The following CNTN4 variants were observed in gnomAD, a reference collection of about 807,000 sequenced individuals.
CNTN4 encodes contactin-4.
A neutral mutation model predicts 122.5 loss-of-function variants in CNTN4; 77 were observed. The observed-to-expected ratio is 0.63, with a 90% CI of 0.52 to 0.76. CNTN4 has a LOEUF of 0.76. Ranked by LOEUF, CNTN4 falls within the 30% of genes least tolerant of loss-of-function variation. CNTN4 has a pLI of 0.00. For missense variants in CNTN4, 1,256 were observed against 1,259.1 expected, an observed-to-expected ratio of 1.00 and a Z score of 0.04; for synonymous variants, 512 against 447.0, an observed-to-expected ratio of 1.15 and a Z score of -1.83.
At chr3:2,479,565 C>A (rs376607472) in intron 3 of CNTN4, among the ~76,000 whole-genome samples, 5 of 152,128 alleles carry the variant, frequency 3.3e-5, no homozygotes, top group Admixed American at 3.3e-4. Context: ...ATGAAACTTA[C>A]GCGATGCCCG....
At chr3:2,565,689 C>G (rs1012933627) in intron 3 of CNTN4, among the ~76,000 whole-genome samples, 5 of 152,160 alleles carry the variant, frequency 3.3e-5, no homozygotes, top group African/African-American at 1.2e-4. Flanking sequence ...TATCTATTGA[C>G]TGATTGAACA....
rs545461632 is a variant in CNTN4 at position 2,887,523 on chromosome 3, C to T, written c.940+299C>T. Among the ~76,000 whole-genome samples the T allele has an allele frequency of 9.9e-5, 15 of 152,070 alleles. 1 individual carries two copies. In the South Asian group the frequency reaches 2.7e-3, roughly 27 times the overall value. On this transcript the variant is annotated intron_variant, in intron 10 of 24. Coordinates refer to ENST00000418658, the MANE Select transcript of CNTN4 (RefSeq NM_175607.3). ...TTTCCTCTTTGCATCAAGCTGTAAA[C>T]CTGACACAGGAAACGTTTTATTATT... is the stretch of plus-strand genomic sequence containing the variant.
At chr3:2,941,933 G>A (rs565497047) in intron 13 of CNTN4, among the ~76,000 whole-genome samples, 5 of 152,166 alleles carry the variant, frequency 3.3e-5, no homozygotes, top group East Asian at 1.9e-4. Flanking sequence ...CGTGTATACC[G>A]CACTTCTCAC....
chr3:2,323,371 T>G (rs1240420219), intron 2 of CNTN4, among the ~76,000 whole-genome samples: 1 of 152,150 alleles, frequency 6.6e-6, no homozygotes, highest in Non-Finnish European at 1.5e-5. Context: ...TGCCATGGTC[T>G]CATGGAGATT....
chr3:2,628,795 C>G (rs1037035421), intron 4 of CNTN4, among the ~76,000 whole-genome samples: 2 of 152,046 alleles, frequency 1.3e-5, no homozygotes, highest in Non-Finnish European at 2.9e-5. Flanking sequence ...CTGGACGTAA[C>G]CAAAAAAGTG....
intron 6 of CNTN4, among the ~76,000 whole-genome samples, chr3:2,756,102 A>T (rs182307710): frequency 1.8e-4 from 28 of 152,278 alleles, no homozygotes; most frequent in Admixed American, 1.2e-3. Context: ...TTCTTCAAGA[A>T]TTTTCATTTG....
chr3:2,296,498 A>T (rs534336356), intron 2 of CNTN4, among the ~76,000 whole-genome samples: 3 of 152,116 alleles, frequency 2.0e-5, no homozygotes, highest in African/African-American at 7.2e-5. Context: ...AAAAAAGAGG[A>T]TGTCACTGTA....
chr3:2,485,857 T>G (rs1011861360), intron 3 of CNTN4, among the ~76,000 whole-genome samples: 4 of 152,112 alleles, frequency 2.6e-5, no homozygotes, highest in Non-Finnish European at 4.4e-5. Flanking sequence ...AACGGATCGA[T>G]CAGCTCTCTG....
intron 6 of CNTN4, among the ~76,000 whole-genome samples, chr3:2,788,231 G>C (rs2091902315): frequency 6.6e-6 from 1 of 152,212 alleles, no homozygotes; most frequent in African/African-American, 2.4e-5. Flanking sequence ...TTTGGGAAGA[G>C]AGAAGTAATT....
chr3:2,527,660 T>TC (rs1188047325), intron 3 of CNTN4, among the ~76,000 whole-genome samples: 1 of 152,204 alleles, frequency 6.6e-6, no homozygotes, highest in East Asian at 1.9e-4. Flanking sequence ...ATAGCTTATG[T>TC]CCCATCCCCT....
intron 7 of CNTN4, among the ~76,000 whole-genome samples, chr3:2,851,527 G>A (rs2093550341): frequency 6.6e-6 from 1 of 152,192 alleles, no homozygotes; most frequent in South Asian, 2.1e-4. Flanking sequence ...CAGTTAGGAA[G>A]GACTCTGTAG....
At chr3:2,753,706 C>T (rs887481648) in intron 6 of CNTN4, among the ~76,000 whole-genome samples, 87 of 152,276 alleles carry the variant, frequency 5.7e-4, no homozygotes, top group African/African-American at 2.1e-3. Flanking sequence ...TGAAATGTTT[C>T]CTTTGTACAC....
At chr3:2,625,969 A>C (rs979772836) in intron 4 of CNTN4, among the ~76,000 whole-genome samples, 11 of 152,214 alleles carry the variant, frequency 7.2e-5, no homozygotes, top group African/African-American at 2.7e-4. Flanking sequence ...TGACAGTGTC[A>C]GACTTTTGCC....
At chr3:2,506,703 G>C (rs1451626710) in intron 3 of CNTN4, among the ~76,000 whole-genome samples, 1 of 152,124 alleles carries the variant, frequency 6.6e-6, no homozygotes, top group Admixed American at 6.6e-5. Context: ...GCAAAATGTT[G>C]CCCATCTATT....
At chr3:2,713,160 G>A (rs2087256063) in intron 4 of CNTN4, among the ~76,000 whole-genome samples, 1 of 152,088 alleles carries the variant, frequency 6.6e-6, no homozygotes, top group East Asian at 1.9e-4. Flanking sequence ...CAGTTTTGGG[G>A]ACTGAGTCTT....
intron 6 of CNTN4, among the ~76,000 whole-genome samples, chr3:2,781,941 T>C (rs998954791): frequency 2.0e-5 from 3 of 148,026 alleles, no homozygotes; most frequent in African/African-American, 5.0e-5. Flanking sequence ...GCCAGGATGG[T>C]CTCGATCTCC....
intron 14 of CNTN4, among the ~76,000 whole-genome samples, chr3:2,994,200 G>T (rs999169683): frequency 6.6e-6 from 1 of 151,436 alleles, no homozygotes; most frequent in Admixed American, 6.6e-5. Flanking sequence ...ATAATTCTCA[G>T]ACTGCATGTT....
intron 3 of CNTN4, among the ~76,000 whole-genome samples, chr3:2,430,388 C>CTCCA (rs2048020884): frequency 6.8e-6 from 1 of 148,116 alleles, no homozygotes; most frequent in Non-Finnish European, 1.5e-5. Flanking sequence ...GGCCACTGCA[C>CTCCA]TCCAGCCTGG....
intron 2 of CNTN4, among the ~76,000 whole-genome samples, chr3:2,122,117 T>C (rs113309388): frequency 0.31 from 46,732 of 150,246 alleles, 8,010 homozygotes; most frequent in East Asian, 0.58. Context: ...ATTGCGCCAC[T>C]GCACTCCAGC....
Sources: allele counts gnomAD v4.1 joint callset (sites outside exome capture counted in the v4.1 genomes callset), GRCh38; gene constraint gnomAD v4.1.1; transcripts MANE v1.5; gene names NCBI Gene and HGNC (gene_info 2026-07-23, HGNC 2026-07-21).